AUH: variants seen among roughly 807,000 people sequenced by gnomAD.
The protein encoded by AUH is methylglutaconyl-CoA hydratase, mitochondrial.
A neutral mutation model predicts 42.3 loss-of-function variants in AUH; 29 were observed. That is an observed-to-expected ratio of 0.69 (90% CI 0.51 to 0.93). The LOEUF (loss-of-function observed/expected upper bound fraction) is 0.93, where lower values mean the gene tolerates loss of function less well. AUH is among the 40% of genes least tolerant of loss of function. AUH has a pLI of 0.00. For missense variants in AUH, 452 were observed against 438.1 expected (o/e 1.03, Z -0.28); for synonymous variants, 174 against 166.4 (o/e 1.05, Z -0.35).
chr9:91,317,589 A>G (rs769709485), intron 4 of AUH, among the ~76,000 whole-genome samples: 2 of 152,194 alleles, frequency 1.3e-5, no homozygotes, highest in Non-Finnish European at 2.9e-5. Flanking sequence ...GGAGACAGCC[A>G]TACCACATGA....
At chr9:91,274,176 C>T (rs1384769005) in intron 6 of AUH, among the ~76,000 whole-genome samples, 1 of 152,102 alleles carries the variant, frequency 6.6e-6, no homozygotes, top group African/African-American at 2.4e-5. Context: ...ATATATAAGC[C>T]TATTTTCTGG....
chr9:91,279,083 T>C (rs1825762905), intron 6 of AUH, among the ~76,000 whole-genome samples: 1 of 152,194 alleles, frequency 6.6e-6, no homozygotes, highest in Non-Finnish European at 1.5e-5. Flanking sequence ...AATTATATGC[T>C]AAAATATGTG....
intron 6 of AUH, among the ~76,000 whole-genome samples, chr9:91,290,979 A>T (rs926801476): frequency 1.3e-5 from 2 of 152,130 alleles, no homozygotes; most frequent in African/African-American, 4.8e-5. Flanking sequence ...ATTCTCTCTC[A>T]GTTTTGGAGG....
intron 1 of AUH, among the ~76,000 whole-genome samples, chr9:91,360,803 G>A (rs974261020): frequency 3.9e-5 from 6 of 152,162 alleles, no homozygotes; most frequent in Admixed American, 6.5e-5. Flanking sequence ...ACAGATTATA[G>A]GTGCTCAACA....
intron 6 of AUH, among the ~76,000 whole-genome samples, chr9:91,276,135 A>G (rs1825519969): frequency 1.3e-5 from 2 of 152,308 alleles, no homozygotes; most frequent in South Asian, 4.1e-4. Flanking sequence ...TTTGAAAAAA[A>G]AATTAGGAAC....
intron 6 of AUH, among the ~76,000 whole-genome samples, chr9:91,256,797 G>A (rs1471512376): frequency 1.3e-5 from 2 of 152,050 alleles, no homozygotes; most frequent in East Asian, 3.9e-4. Flanking sequence ...GGTGTGGTGA[G>A]GATAGGAGAG....
At chr9:91,283,874 T>C (rs1826182888) in intron 6 of AUH, among the ~76,000 whole-genome samples, 1 of 151,982 alleles carries the variant, frequency 6.6e-6, no homozygotes, top group Non-Finnish European at 1.5e-5. Context: ...ATTGTGAAAA[T>C]GGCCATACTG....
At chr9:91,325,462 G>A in intron 3 of AUH, 58 bp from the exon 4 acceptor site, 1 of 1,453,038 alleles carries the variant, frequency 6.9e-7, no homozygotes, top group East Asian at 2.3e-5. Flanking sequence ...TTAAGGCAAA[G>A]AATTGAAAAT....
intron 4 of AUH, among the ~76,000 whole-genome samples, chr9:91,301,300 C>T (rs1827764884): frequency 6.6e-6 from 1 of 152,192 alleles, no homozygotes; most frequent in Admixed American, 6.5e-5. Context: ...TCCCTGTTTC[C>T]AGACACACAG....
intron 3 of AUH, among the ~76,000 whole-genome samples, chr9:91,333,973 C>A (rs572012792): frequency 2.6e-4 from 39 of 152,294 alleles, no homozygotes; most frequent in Non-Finnish European, 4.7e-4. Context: ...AGAAAGAGAA[C>A]TGGAACCTCC....
intron 3 of AUH, among the ~76,000 whole-genome samples, chr9:91,337,155 G>C (rs867547755): frequency 1.3e-5 from 2 of 152,248 alleles, no homozygotes; most frequent in Middle Eastern, 3.4e-3. Context: ...TTATTTCTCT[G>C]TTATTTACTG....
chr9:91,303,098 G>T (rs557379103), intron 4 of AUH, among the ~76,000 whole-genome samples: 3 of 152,156 alleles, frequency 2.0e-5, no homozygotes, highest in African/African-American at 7.2e-5. Context: ...CAATTAAACA[G>T]TTTGCTATTT....
intron 3 of AUH, among the ~76,000 whole-genome samples, chr9:91,334,604 G>A (rs545071951): frequency 2.1e-5 from 3 of 140,996 alleles, no homozygotes; most frequent in African/African-American, 5.3e-5. Flanking sequence ...CCATAATCCC[G>A]TGAGCCAATT....
chr9:91,237,330 A>T (rs1828245147), intron 6 of AUH, among the ~76,000 whole-genome samples: 1 of 152,230 alleles, frequency 6.6e-6, no homozygotes, highest in African/African-American at 2.4e-5. Context: ...GTTCACACTC[A>T]AATGAATTTC....
At chr9:91,317,950 T>G (rs1829279438) in intron 4 of AUH, among the ~76,000 whole-genome samples, 1 of 152,236 alleles carries the variant, frequency 6.6e-6, no homozygotes, top group African/African-American at 2.4e-5. Context: ...AAACCACCAT[T>G]GCCTTCCTGG....
chr9:91,306,777 A>G (rs1828257376), intron 4 of AUH, among the ~76,000 whole-genome samples: 1 of 152,180 alleles, frequency 6.6e-6, no homozygotes, highest in South Asian at 2.1e-4. Flanking sequence ...GATCCACTAC[A>G]TTGAAAATGC....
At chr9:91,233,716 A>AT (rs1247773499) in intron 6 of AUH, among the ~76,000 whole-genome samples, 2 of 152,234 alleles carry the variant, frequency 1.3e-5, no homozygotes, top group Non-Finnish European at 2.9e-5. Context: ...ACAAAGATCA[A>AT]TAACAAGTAA....
intron 6 of AUH, among the ~76,000 whole-genome samples, chr9:91,275,920 T>C (rs1422985911): frequency 2.0e-5 from 3 of 152,096 alleles, no homozygotes; most frequent in Non-Finnish European, 4.4e-5. Flanking sequence ...AGTGACCTAG[T>C]TTCATTAGGG....
At chr9:91,225,758 T>C (rs548303148) in intron 6 of AUH, among the ~76,000 whole-genome samples, 2 of 143,868 alleles carry the variant, frequency 1.4e-5, no homozygotes, top group East Asian at 2.2e-4. Context: ...TGTGTCCACG[T>C]GGTCTCATTG....
Sources: gnomAD v4.1 joint callset for allele counts (sites outside exome capture counted in the v4.1 genomes callset) on GRCh38, gnomAD v4.1.1 for gene constraint, MANE v1.5 for transcripts, NCBI Gene and HGNC (gene_info 2026-07-23, HGNC 2026-07-21) for gene names.